Variants in RBCK1 observed in about 807,000 individuals in gnomAD.
RBCK1 encodes ranBP-type and C3HC4-type zinc finger-containing protein 1.
In RBCK1, 44 loss-of-function variants were observed where a neutral mutation model predicts 71.1. That is an observed-to-expected ratio of 0.62 (90% CI 0.49 to 0.80). The LOEUF is 0.80. RBCK1 is among the 30% of genes least tolerant of loss of function. RBCK1 has a pLI of 0.00. For synonymous variants in RBCK1, 306 were observed against 279.7 expected, an observed-to-expected ratio of 1.09 and a Z score of -0.94; for missense variants, 569 against 685.0, an observed-to-expected ratio of 0.83 and a Z score of 1.89.
chr20:420,810 T>TC lies in RBCK1; in HGVS notation c.757-60dup, dbSNP rs1417595330. 27 of 1,471,596 alleles carry TC rather than the reference T, an allele frequency of 1.8e-5. No homozygotes were observed. In the East Asian group the frequency reaches 6.7e-4, roughly 36 times the overall value. The allele number at this position is 1,471,596 out of a possible 1,614,324, so 91.2% of individuals were successfully genotyped here. ...ACCACGCCCCCTGGCCCTTCCCCCT[T>TC]CGGGGTCTGACCCGCCCCCGAGGCC... On this transcript the variant is annotated intron_variant, in intron 6 of 11. Coordinates refer to ENST00000356286, the MANE Select transcript of RBCK1 (RefSeq NM_031229.4).
chr20:411,499 C>G (rs1050995396), intron 2 of RBCK1, among the ~76,000 whole-genome samples: 2 of 152,206 alleles, frequency 1.3e-5, no homozygotes, highest in Non-Finnish European at 2.9e-5. Context: ...TCCCGAGTAG[C>G]TGGGACTACA....
intron 2 of RBCK1, among the ~76,000 whole-genome samples, chr20:414,530 A>C: frequency 6.6e-6 from 1 of 152,232 alleles, no homozygotes; most frequent in East Asian, 1.9e-4. Flanking sequence ...TCTGCTGTTC[A>C]CCAGCGATCC....
chr20:420,222 GCC>G, intron 6 of RBCK1: 1 of 985,006 alleles, frequency 1.0e-6, no homozygotes, highest in South Asian at 4.7e-5. Flanking sequence ...TGAGAGCCTG[GCC>G]TGGACCCTCG....
At chr20:420,509 C>T (rs1280444305) in intron 6 of RBCK1, 1 of 984,334 alleles carries the variant, frequency 1.0e-6, no homozygotes, top group Non-Finnish European at 1.2e-6. Context: ...TGCTACCTGA[C>T]TCACCACTCA....
chr20:424,234 C>A lies in RBCK1; in HGVS notation c.1029+1996C>A, dbSNP rs116708170. Among the ~76,000 whole-genome samples the A allele has an allele frequency of 6.2e-3, 942 of 152,328 alleles. 9 individuals carry two copies. Among genetic ancestry groups the A allele is most frequent in the African/African-American group, 0.022 (911 of 41,574 alleles). ...TTCTCTGCCTGGCTGCTGGTGATCT[C>A]GAGCAAGTTGTTTCCCTTCTGTGGG... On this transcript the variant is annotated intron_variant, in intron 8 of 11. Coordinates refer to ENST00000356286, the MANE Select transcript of RBCK1 (RefSeq NM_031229.4).
chr20:419,675 G>T lies in RBCK1; in HGVS notation c.700G>T (p.Glu234Ter), dbSNP rs756811010. Residue 234 changes from glutamate to a stop codon, truncating the protein, a stop_gained, in exon 6 of 12, where the codon GAG becomes TAG. Coordinates refer to ENST00000356286, the MANE Select transcript of RBCK1 (RefSeq NM_031229.4). LOFTEE classifies it high-confidence loss of function. ...YQVPASYQPD[E>*]EERARLAGEE... ...GGTCCCCGCCTCATACCAGCCCGAC[G>T]AGGAGGAGCGAGCGCGCCTGGCGGG... is the stretch of plus-strand genomic sequence containing the variant. The T allele has an allele frequency of 1.3e-6, 2 of 1,578,990 alleles. No homozygotes were observed. Among genetic ancestry groups the T allele is most frequent in the Middle Eastern group, 1.7e-4 (1 of 5,998 alleles).
intron 7 of RBCK1, among the ~76,000 whole-genome samples, chr20:421,557 T>C (rs568105659): frequency 2.4e-4 from 36 of 152,244 alleles, no homozygotes; most frequent in Non-Finnish European, 4.6e-4. Context: ...CTACATACAG[T>C]ACATTAAGAG....
intron 4 of RBCK1, among the ~76,000 whole-genome samples, chr20:418,635 T>C (rs1458759542): frequency 6.6e-6 from 1 of 152,256 alleles, no homozygotes; most frequent in Non-Finnish European, 1.5e-5. Flanking sequence ...CCCAAAGTGC[T>C]GGGATTACAG....
chr20:409,093 C>G (rs979139161), intron 1 of RBCK1, among the ~76,000 whole-genome samples: 7 of 152,326 alleles, frequency 4.6e-5, no homozygotes, highest in Admixed American at 4.6e-4. Flanking sequence ...GGGGTACTTG[C>G]CTCTTCTCTT....
At chr20:424,449 C>T (rs2016597931) in intron 8 of RBCK1, among the ~76,000 whole-genome samples, 1 of 152,208 alleles carries the variant, frequency 6.6e-6, no homozygotes, top group Non-Finnish European at 1.5e-5. Flanking sequence ...CCCTGCCTCT[C>T]TCCTATGCCC....
chr20:410,003 G>T lies in RBCK1; in HGVS notation c.145G>T (p.Val49Phe). 13 of 1,614,104 alleles carry T rather than the reference G, an allele frequency of 8.1e-6. No homozygotes were observed. Among genetic ancestry groups the T allele is most frequent in the Non-Finnish European group, 1.0e-5 (12 of 1,179,980 alleles). ...VPLSVQLKPEVSPTQDIRLWV... is the reference protein window; with the variant it reads ...VPLSVQLKPEFSPTQDIRLWV... ...CCTGAGTGTGCAACTGAAGCCTGAGGTCTCCCCAACGCAGGACATCAGGTG... is the reference window on the plus strand; with the variant it reads ...CCTGAGTGTGCAACTGAAGCCTGAGTTCTCCCCAACGCAGGACATCAGGTG... Residue 49 changes from valine (V) to phenylalanine (F), a missense_variant, in exon 2 of 12, where the codon GTC (valine) becomes TTC (phenylalanine). Physicochemically the swap from Val to Phe is conservative, Grantham distance 50 (BLOSUM62 -1). Transcript: ENST00000356286.
In RBCK1 at chr20:408,455, G is replaced by A. The variant is rs1377330284; in HGVS notation, c.-303G>A. The A allele has an allele frequency of 2.3e-5, 12 of 518,498 alleles. No homozygotes were observed. The highest frequency in any genetic ancestry group is 3.8e-5 in the Non-Finnish European group (11 of 293,146). 32.1% of individuals were successfully genotyped at this position (518,498 alleles called of 1,614,324 possible). ...GAACGCCCCGGCTGGGTGGTGTCCG[G>A]GCGTCCTTTCCCCGCTTCTTCCCAC... On this transcript the variant is annotated 5_prime_UTR_variant, in exon 1 of 12. Transcript: ENST00000356286.
intron 8 of RBCK1, among the ~76,000 whole-genome samples, chr20:426,543 T>G (rs936406507): frequency 2.0e-5 from 3 of 152,238 alleles, no homozygotes; most frequent in South Asian, 2.1e-4. Flanking sequence ...CATTCTTTTT[T>G]GTGGCCGAAT....
chr20:430,437 G>C lies in RBCK1; in HGVS notation c.*7G>C. The C allele has an allele frequency of 1.2e-6, 2 of 1,605,940 alleles. No individual in the cohort carries two copies. Among genetic ancestry groups the C allele is most frequent in the Non-Finnish European group, 1.7e-6 (2 of 1,172,626 alleles). ...CTGTCAGAACTGCCACTGAGCTAAA[G>C]ATGGTGGGGCCACATGCTGACCCAG... On this transcript the variant is annotated 3_prime_UTR_variant, in exon 12 of 12. Coordinates refer to ENST00000356286, the MANE Select transcript of RBCK1 (RefSeq NM_031229.4). The surrounding 1 kb of genome is among the most constrained non-coding windows in gnomAD (Gnocchi z 5.6).
rs1199549811 is a variant in RBCK1, at chr20:430,952, A to G, written c.*522A>G. The G allele has an allele frequency of 6.5e-6, 1 of 155,008 alleles. No homozygotes were observed. The highest frequency in any genetic ancestry group is 2.4e-5 in the African/African-American group (1 of 41,488). The allele number at this position is 155,008 out of a possible 1,614,324, so 9.6% of individuals were successfully genotyped here. A position where few individuals can be genotyped will look rare whatever the true frequency, so the allele number is the denominator to read the frequency against. On this transcript the variant is annotated 3_prime_UTR_variant, in exon 12 of 12. Transcript: ENST00000356286. This position sits in a 1 kb window ranked among gnomAD's most constrained non-coding sequence, Gnocchi z 5.6. ...GCCTGTGTAAGCTATTATAATTAAA[A>G]TGGTTTTCCGGGAAGGGATGAGTGT...
At position 408,734 on chromosome 20, in the gene RBCK1, G is replaced by A. The variant is rs1171351061; in HGVS notation, c.-24G>A. The A allele has an allele frequency of 1.9e-6, 3 of 1,612,382 alleles. No individual in the cohort carries two copies. Among genetic ancestry groups the A allele is most frequent in the Non-Finnish European group, 2.5e-6 (3 of 1,179,514 alleles). ...TTCCCAGGAGGCACGGTCCCCCCCA[G>A]GGGGATGGGCACAGCCACGCCAGAT... On this transcript the variant is annotated 5_prime_UTR_variant, in exon 1 of 12. Transcript: ENST00000356286.
chr20:419,520 C>T (rs79845007), intron 5 of RBCK1, 38 bp from the exon 6 acceptor site: 2 of 1,605,146 alleles, frequency 1.2e-6, no homozygotes, highest in Non-Finnish European at 1.7e-6. Flanking sequence ...CCTTGCCTCA[C>T]CCTGCCCAGT....
Position 430,663 on chromosome 20 carries a change from A to C in RBCK1, c.*233A>C. On this transcript the variant is annotated 3_prime_UTR_variant, in exon 12 of 12. Coordinates refer to ENST00000356286, the MANE Select transcript of RBCK1 (RefSeq NM_031229.4). The surrounding 1 kb of genome is among the most constrained non-coding windows in gnomAD (Gnocchi z 5.6). ...CCTCTGCCTGACCCCAGCCTTAAACATAGCCCCTGGCCAGAGGCCTTGCTG... is the reference window on the plus strand; with the variant it reads ...CCTCTGCCTGACCCCAGCCTTAAACCTAGCCCCTGGCCAGAGGCCTTGCTG... 3.5e-6 allele frequency: 2 copies of C among 569,596 alleles called. No homozygotes were observed. The highest frequency in any genetic ancestry group is 3.1e-6 in the Non-Finnish European group (1 of 317,674). 35.3% of individuals were successfully genotyped at this position (569,596 alleles called of 1,614,324 possible). A position where few individuals can be genotyped will look rare whatever the true frequency, so the allele number is the denominator to read the frequency against.
chr20:420,582 C>T, intron 6 of RBCK1: 1 of 980,238 alleles, frequency 1.0e-6, no homozygotes, highest in Non-Finnish European at 1.2e-6. Context: ...TCCGTGGCTA[C>T]CTGGCCGGCC....
Sources: gnomAD v4.1 joint callset for allele counts (sites outside exome capture counted in the v4.1 genomes callset) on GRCh38, gnomAD v4.1.1 for gene constraint, Gnocchi (gnomAD v3.1) non-coding constraint, MANE v1.5 for transcripts, NCBI Gene and HGNC (gene_info 2026-07-23, HGNC 2026-07-21) for gene names.